Variants in ANK2 observed in about 807,000 individuals in gnomAD.
The protein encoded by ANK2 is ankyrin 2.
A neutral mutation model predicts 360.5 loss-of-function variants in ANK2; 83 were observed. The observed-to-expected ratio is 0.23, with a 90% confidence interval of 0.19 to 0.28. The LOEUF (loss-of-function observed/expected upper bound fraction) is 0.28. ANK2 is among the 10% of genes least tolerant of loss of function. ANK2 has a pLI of 1.00. For missense variants in ANK2, 4,201 were observed against 4,795.7 expected (o/e 0.88, Z 3.66); for synonymous variants, 1,740 against 1,759.5 (o/e 0.99, Z 0.28).
intron 1 of ANK2, among the ~76,000 whole-genome samples, chr4:113,153,768 C>T (rs577824981): frequency 1.7e-4 from 26 of 152,288 alleles, no homozygotes; most frequent in African/African-American, 5.8e-4. Flanking sequence ...TCAGAAGAAT[C>T]GCCTGGTGTG....
At chr4:113,296,518 A>G (rs1332631785) in intron 22 of ANK2, among the ~76,000 whole-genome samples, 1 of 152,132 alleles carries the variant, frequency 6.6e-6, no homozygotes, top group Non-Finnish European at 1.5e-5. Context: ...CTTTCTTTTG[A>G]GTTCTTTACC....
intron 1 of ANK2, among the ~76,000 whole-genome samples, chr4:112,845,009 A>G (rs1193173793): frequency 6.6e-6 from 1 of 152,192 alleles, no homozygotes; most frequent in African/African-American, 2.4e-5. Context: ...TTCTTATATC[A>G]GTCTTGGTTT....
chr4:112,862,742 A>G (rs17045083), intron 1 of ANK2, among the ~76,000 whole-genome samples: 8,429 of 152,222 alleles, frequency 0.055, 392 homozygotes, highest in African/African-American at 0.12. Flanking sequence ...TTTTTAAGGC[A>G]TGAGATAAAT....
chr4:113,327,102 C>T (rs1221279621), intron 26 of ANK2, among the ~76,000 whole-genome samples: 5 of 152,122 alleles, frequency 3.3e-5, no homozygotes, highest in Non-Finnish European at 5.9e-5. Flanking sequence ...ATATTACTTT[C>T]CAGGTTTACA....
At chr4:113,169,433 G>A (rs2097862975) in intron 1 of ANK2, among the ~76,000 whole-genome samples, 1 of 152,098 alleles carries the variant, frequency 6.6e-6, no homozygotes, top group South Asian at 2.1e-4. Context: ...CTATAAAAAC[G>A]CAGATCTCAG....
chr4:113,280,789 C>G (rs915438387), intron 17 of ANK2, among the ~76,000 whole-genome samples: 7 of 152,138 alleles, frequency 4.6e-5, no homozygotes, highest in African/African-American at 1.7e-4. Context: ...GAATTGACAC[C>G]TTCTTTGATG....
intron 2 of ANK2, among the ~76,000 whole-genome samples, chr4:112,934,895 A>G (rs1177244655): frequency 6.6e-6 from 1 of 152,204 alleles, no homozygotes; most frequent in Non-Finnish European, 1.5e-5. Flanking sequence ...TTTATATAGG[A>G]TAGACAGGAA....
intron 1 of ANK2, among the ~76,000 whole-genome samples, chr4:112,892,516 G>A (rs546004257): frequency 1.5e-4 from 23 of 152,250 alleles, no homozygotes; most frequent in African/African-American, 4.6e-4. Context: ...ATTAAGGATC[G>A]TAACAATTAC....
chr4:113,299,907 T>C (rs889167156), intron 22 of ANK2, among the ~76,000 whole-genome samples: 2 of 152,092 alleles, frequency 1.3e-5, no homozygotes, highest in African/African-American at 4.8e-5. Flanking sequence ...CCGATCCCTA[T>C]GGATTTTGAT....
At chr4:113,146,288 G>T (rs1473067734) in intron 1 of ANK2, among the ~76,000 whole-genome samples, 1 of 152,174 alleles carries the variant, frequency 6.6e-6, no homozygotes, top group Non-Finnish European at 1.5e-5. Flanking sequence ...TCCAAAGGTG[G>T]ACATACGTAT....
intron 1 of ANK2, chr4:113,146,072 G>C: frequency 7.8e-7 from 1 of 1,274,042 alleles, no homozygotes. Flanking sequence ...AGACCTCATT[G>C]GTCAGACCTC....
At chr4:112,887,036 C>T (rs1580535352) in intron 1 of ANK2, among the ~76,000 whole-genome samples, 1 of 152,108 alleles carries the variant, frequency 6.6e-6, no homozygotes, top group African/African-American at 2.4e-5. Flanking sequence ...TTTCAAGAGG[C>T]TTCCCTGAAT....
chr4:112,931,433 C>CTTTTT (rs59802557), intron 2 of ANK2, among the ~76,000 whole-genome samples: 494 of 84,806 alleles, frequency 5.8e-3, no homozygotes, highest in Non-Finnish European at 7.4e-3. Context: ...TCTTTCTTTT[C>CTTTTT]TTTTTTTTTT....
chr4:113,193,230 C>G (rs1205204260), intron 2 of ANK2, among the ~76,000 whole-genome samples: 1 of 152,134 alleles, frequency 6.6e-6, no homozygotes, highest in African/African-American at 2.4e-5. Flanking sequence ...CCTTGAAGAT[C>G]TGAGAATAAC....
intron 1 of ANK2, among the ~76,000 whole-genome samples, chr4:113,118,607 A>G (rs907716685): frequency 7.2e-5 from 11 of 152,204 alleles, no homozygotes; most frequent in African/African-American, 2.2e-4. Flanking sequence ...TTAGCAGTAT[A>G]TAATGATTTC....
chr4:113,083,986 G>T (rs1039684491), intron 1 of ANK2, among the ~76,000 whole-genome samples: 1 of 152,242 alleles, frequency 6.6e-6, no homozygotes. Context: ...TGGGGTGAGG[G>T]GGTGAGGATC....
At chr4:113,255,372 T>G (rs927581182) in intron 10 of ANK2, among the ~76,000 whole-genome samples, 1 of 152,234 alleles carries the variant, frequency 6.6e-6, no homozygotes, top group Non-Finnish European at 1.5e-5. Context: ...AGAGATTAAG[T>G]GAATGCAGAC....
intron 2 of ANK2, among the ~76,000 whole-genome samples, chr4:113,180,940 T>TAAAA (rs1562674521): frequency 6.6e-6 from 1 of 152,210 alleles, no homozygotes; most frequent in Non-Finnish European, 1.5e-5. Context: ...GTAATCTCTT[T>TAAAA]CGATGCATCA....
chr4:112,732,162 C>T, the ANK2 span, among the ~76,000 whole-genome samples: 4 of 151,962 alleles, frequency 2.6e-5, no homozygotes, highest in Non-Finnish European at 5.9e-5. Context: ...CTGGGTGTAT[C>T]AGCTCATTTT....
Sources: gnomAD v4.1 joint callset for allele counts (sites outside exome capture counted in the v4.1 genomes callset) on GRCh38, gnomAD v4.1.1 for gene constraint, MANE v1.5 for transcripts, NCBI Gene and HGNC (gene_info 2026-07-23, HGNC 2026-07-21) for gene names.